Variants in ERC2 observed in about 807,000 individuals in gnomAD.
ERC2 encodes the protein ELKS/RAB6-interacting/CAST family member 2, also known as ERC protein 2.
ERC2 carries 42 observed loss-of-function variants against 114.8 expected under a neutral mutation model. That is an observed-to-expected ratio of 0.37 (90% CI 0.29 to 0.47). The LOEUF (loss-of-function observed/expected upper bound fraction) is 0.47. Among genes scored for constraint, ERC2 ranks in the 20% least tolerant of loss-of-function variants. The probability of loss-of-function intolerance (pLI) is 0.99; values close to 1 mark genes in which losing one functional copy is unlikely to be tolerated. For synonymous variants in ERC2, 454 were observed against 425.5 expected (o/e 1.07, Z -0.82); for missense variants, 939 against 1,150.7 (o/e 0.82, Z 2.66).
At chr3:56,087,799 T>C (rs2077582652) in intron 6 of ERC2, among the ~76,000 whole-genome samples, 1 of 152,184 alleles carries the variant, frequency 6.6e-6, no homozygotes, top group Admixed American at 6.6e-5. Flanking sequence ...TTGTTTTTCC[T>C]AATCGTAGAC....
intron 1 of ERC2, among the ~76,000 whole-genome samples, chr3:56,441,074 C>G (rs1435768581): frequency 6.6e-6 from 1 of 152,202 alleles, no homozygotes; most frequent in African/African-American, 2.4e-5. Flanking sequence ...GAGTCTAACC[C>G]TAAAGAGGCT....
intron 2 of ERC2, among the ~76,000 whole-genome samples, chr3:56,370,078 G>T (rs2059306309): frequency 2.0e-5 from 3 of 152,194 alleles, no homozygotes; most frequent in Admixed American, 1.3e-4. Flanking sequence ...CAGGCACAGG[G>T]ACTGTAAGTC....
chr3:56,445,680 T>C (rs1438812890), intron 1 of ERC2, among the ~76,000 whole-genome samples: 1 of 152,164 alleles, frequency 6.6e-6, no homozygotes, highest in Non-Finnish European at 1.5e-5. Flanking sequence ...CCTCCCCTCT[T>C]GCCACTCTCT....
intron 17 of ERC2, among the ~76,000 whole-genome samples, chr3:55,543,570 G>T (rs1381420242): frequency 2.0e-5 from 3 of 152,154 alleles, no homozygotes; most frequent in African/African-American, 7.2e-5. Flanking sequence ...CACAGAGATG[G>T]TTCATGCAGA....
chr3:56,310,753 A>C (rs2056489479), intron 2 of ERC2, among the ~76,000 whole-genome samples: 1 of 152,158 alleles, frequency 6.6e-6, no homozygotes, highest in Non-Finnish European at 1.5e-5. Flanking sequence ...CATCAGCATC[A>C]CCTGGGATCT....
intron 14 of ERC2, among the ~76,000 whole-genome samples, chr3:55,735,860 C>T (rs2065598712): frequency 6.6e-6 from 1 of 152,140 alleles, no homozygotes; most frequent in Admixed American, 6.5e-5. Flanking sequence ...TTTGCCATCC[C>T]ACCAAAAACG....
chr3:55,844,177 T>A (rs2149221854), intron 14 of ERC2, among the ~76,000 whole-genome samples: 1 of 152,302 alleles, frequency 6.6e-6, no homozygotes, highest in African/African-American at 2.4e-5. Context: ...GTTGAACATA[T>A]GCATTCTACA....
At chr3:55,705,674 C>A (rs2063442608) in intron 15 of ERC2, among the ~76,000 whole-genome samples, 2 of 152,032 alleles carry the variant, frequency 1.3e-5, no homozygotes, top group Admixed American at 1.3e-4. Flanking sequence ...GTCTGATCTC[C>A]CCAAATTCAT....
intron 14 of ERC2, among the ~76,000 whole-genome samples, chr3:55,783,408 AT>A (rs1221466482): frequency 1.3e-5 from 2 of 152,182 alleles, no homozygotes; most frequent in Non-Finnish European, 2.9e-5. Context: ...CTAGATTGTT[AT>A]TTTTTAAACT....
intron 17 of ERC2, among the ~76,000 whole-genome samples, chr3:55,649,385 C>T (rs1481114644): frequency 3.3e-5 from 5 of 151,692 alleles, no homozygotes; most frequent in African/African-American, 4.8e-5. Context: ...CTCAGCCTCC[C>T]GAGTAGCTGG....
chr3:55,645,443 T>C (rs1185164151), intron 17 of ERC2, among the ~76,000 whole-genome samples: 1 of 152,266 alleles, frequency 6.6e-6, no homozygotes, highest in Non-Finnish European at 1.5e-5. Context: ...GCTGTCATCA[T>C]GCTTATTGGC....
chr3:55,599,436 C>T (rs2058298945), intron 17 of ERC2, among the ~76,000 whole-genome samples: 1 of 152,144 alleles, frequency 6.6e-6, no homozygotes, highest in Admixed American at 6.5e-5. Context: ...TTTTAGAACT[C>T]ATAATAGTGT....
intron 3 of ERC2, among the ~76,000 whole-genome samples, chr3:56,209,225 GT>G (rs1405241627): frequency 3.9e-5 from 6 of 151,962 alleles, no homozygotes; most frequent in Non-Finnish European, 7.4e-5. Flanking sequence ...ACCCTTCCTT[GT>G]CTTGAATCTG....
intron 14 of ERC2, among the ~76,000 whole-genome samples, chr3:55,860,620 G>A (rs1474476541): frequency 6.6e-6 from 1 of 152,074 alleles, no homozygotes; most frequent in Non-Finnish European, 1.5e-5. Context: ...TCCTGTCAAC[G>A]ACGCACTTTA....
intron 17 of ERC2, chr3:55,612,782 C>T (rs185387465): frequency 1.3e-4 from 20 of 152,172 alleles, no homozygotes; most frequent in African/African-American, 4.1e-4. Context: ...TAGAATTGTG[C>T]GATCAGCACC....
intron 5 of ERC2, among the ~76,000 whole-genome samples, chr3:56,147,943 C>T (rs2081228966): frequency 6.6e-6 from 1 of 152,034 alleles, no homozygotes; most frequent in African/African-American, 2.4e-5. Flanking sequence ...AAATACAATC[C>T]AAAATCTTTA....
intron 14 of ERC2, among the ~76,000 whole-genome samples, chr3:55,834,217 C>T (rs554880384): frequency 6.6e-6 from 1 of 152,140 alleles, no homozygotes; most frequent in Non-Finnish European, 1.5e-5. Flanking sequence ...AGAAAGTTAA[C>T]AAGGATACCC....
At chr3:56,103,108 G>A (rs2078449271) in intron 6 of ERC2, among the ~76,000 whole-genome samples, 1 of 152,096 alleles carries the variant, frequency 6.6e-6, no homozygotes, top group Non-Finnish European at 1.5e-5. Flanking sequence ...AGAGCTTCCT[G>A]GAGGAAGGGA....
intron 3 of ERC2, among the ~76,000 whole-genome samples, chr3:56,264,134 G>C (rs1009369882): frequency 7.2e-5 from 11 of 152,106 alleles, no homozygotes; most frequent in Admixed American, 1.3e-4. Flanking sequence ...AAGAAATTAG[G>C]TTAAACAAAG....
Sources: gnomAD v4.1 joint callset for allele counts (sites outside exome capture counted in the v4.1 genomes callset) on GRCh38, gnomAD v4.1.1 for gene constraint, MANE v1.5 for transcripts, NCBI Gene and HGNC (gene_info 2026-07-23, HGNC 2026-07-21) for gene names.